Variants in PTPRD observed in about 807,000 individuals in gnomAD.
PTPRD encodes receptor-type tyrosine-protein phosphatase delta.
A neutral mutation model predicts 214.5 loss-of-function variants in PTPRD; 34 were observed. The observed-to-expected ratio is 0.16, with a 90% CI of 0.12 to 0.21. The LOEUF is 0.21. PTPRD is among the 10% of genes least tolerant of loss of function. PTPRD has a pLI of 1.00. For missense variants in PTPRD, 2,545 were observed against 2,398.7 expected, an observed-to-expected ratio of 1.06 and a Z score of -1.27; for synonymous variants, 1,128 against 845.7, an observed-to-expected ratio of 1.33 and a Z score of -5.79.
At chr9:9,884,102 A>G (rs2069851486) in intron 5 of PTPRD, among the ~76,000 whole-genome samples, 2 of 152,226 alleles carry the variant, frequency 1.3e-5, no homozygotes, top group East Asian at 3.9e-4. Flanking sequence ...CAGTAAACAC[A>G]GCTGAGAATA....
At chr9:9,201,105 T>A (rs1047685326) in intron 9 of PTPRD, among the ~76,000 whole-genome samples, 9 of 152,178 alleles carry the variant, frequency 5.9e-5, no homozygotes, top group African/African-American at 2.2e-4. Flanking sequence ...AAAAGTGGTT[T>A]ATTTGACTAC....
chr9:8,857,425 C>A (rs2097944816), intron 11 of PTPRD, among the ~76,000 whole-genome samples: 2 of 152,124 alleles, frequency 1.3e-5, no homozygotes, highest in Non-Finnish European at 2.9e-5. Context: ...AGGTTTCAGG[C>A]GAGAAGTGAA....
chr9:8,538,140 C>G (rs955454630), intron 14 of PTPRD, among the ~76,000 whole-genome samples: 2 of 151,970 alleles, frequency 1.3e-5, no homozygotes, highest in Non-Finnish European at 2.9e-5. Flanking sequence ...TTTCACAAAT[C>G]TCATTATTCC....
chr9:9,952,691 C>T (rs748186614), intron 4 of PTPRD, among the ~76,000 whole-genome samples: 1 of 152,130 alleles, frequency 6.6e-6, no homozygotes. Context: ...GATAACTATT[C>T]ACTGGGGAAA....
intron 11 of PTPRD, among the ~76,000 whole-genome samples, chr9:8,832,767 A>G (rs961944961): frequency 1.3e-5 from 2 of 150,032 alleles, no homozygotes; most frequent in African/African-American, 2.4e-5. Flanking sequence ...ATATTTCTCT[A>G]AATTGGAGTT....
intron 14 of PTPRD, among the ~76,000 whole-genome samples, chr9:8,563,581 C>T (rs972363834): frequency 6.6e-6 from 1 of 151,770 alleles, no homozygotes; most frequent in African/African-American, 2.4e-5. Flanking sequence ...GGACTATAGA[C>T]ATCTGCCGCC....
chr9:10,414,587 G>A (rs372406057), intron 2 of PTPRD, among the ~76,000 whole-genome samples: 2 of 151,852 alleles, frequency 1.3e-5, no homozygotes, highest in Admixed American at 6.6e-5. Flanking sequence ...CCCATTACTG[G>A]CTATATGCCC....
chr9:9,262,636 C>A (rs892861265), intron 9 of PTPRD, among the ~76,000 whole-genome samples: 2 of 151,446 alleles, frequency 1.3e-5, no homozygotes, highest in African/African-American at 4.8e-5. Context: ...TGAATCCTTA[C>A]TATCATCATT....
chr9:9,821,301 C>T (rs2050637522), intron 5 of PTPRD, among the ~76,000 whole-genome samples: 1 of 152,112 alleles, frequency 6.6e-6, no homozygotes, highest in African/African-American at 2.4e-5. Context: ...TATTTTGAGA[C>T]ATTTAACCAC....
chr9:10,417,596 C>T (rs189861662), intron 2 of PTPRD, among the ~76,000 whole-genome samples: 75 of 151,630 alleles, frequency 4.9e-4, no homozygotes, highest in Non-Finnish European at 1.5e-4. Flanking sequence ...TTATAATAAC[C>T]ATATATCAAT....
chr9:9,797,575 G>A (rs2099011059), intron 5 of PTPRD, among the ~76,000 whole-genome samples: 2 of 152,168 alleles, frequency 1.3e-5, no homozygotes, highest in African/African-American at 4.8e-5. Flanking sequence ...GTCGTGCATG[G>A]TGGCTCATGC....
At chr9:8,605,988 G>C (rs1474944611) in intron 14 of PTPRD, among the ~76,000 whole-genome samples, 1 of 152,030 alleles carries the variant, frequency 6.6e-6, no homozygotes, top group Non-Finnish European at 1.5e-5. Context: ...GAGGGGTGGG[G>C]ATGTACATCG....
intron 44 of PTPRD, among the ~76,000 whole-genome samples, chr9:8,327,735 A>T (rs116889823): frequency 1.0e-3 from 159 of 152,168 alleles, no homozygotes; most frequent in Non-Finnish European, 1.8e-3. Flanking sequence ...GAGGGTTCAT[A>T]TATATTTAGG....
intron 10 of PTPRD, among the ~76,000 whole-genome samples, chr9:9,121,680 G>A (rs1262576461): frequency 6.6e-6 from 1 of 152,126 alleles, no homozygotes; most frequent in South Asian, 2.1e-4. Context: ...GGGAAGTGTG[G>A]GAGGGGGGCG....
chr9:8,948,507 A>T lies in PTPRD; in HGVS notation c.-104+70190T>A, dbSNP rs4008144. On this transcript the variant is annotated intron_variant, in intron 11 of 45. Coordinates refer to ENST00000381196, the MANE Select transcript of PTPRD (RefSeq NM_002839.4). ...TATATATATATTTATATATATATTTATATATATATATTTATATATATATTT... is the reference window on the plus strand; with the variant it reads ...TATATATATATTTATATATATATTTTTATATATATATTTATATATATATTT... 2.7e-3 allele frequency among the ~76,000 whole-genome samples: 37 copies of T among 13,580 alleles called. 5 individuals are homozygous for T. The highest frequency in any genetic ancestry group is 4.0e-3 in the South Asian group (1 of 248). 8.9% of individuals were successfully genotyped at this position (13,580 alleles called of 152,430 possible).
chr9:9,276,719 A>T (rs1485903681), intron 9 of PTPRD, among the ~76,000 whole-genome samples: 1 of 151,338 alleles, frequency 6.6e-6, no homozygotes, highest in Non-Finnish European at 1.5e-5. Flanking sequence ...AAATGGTGCT[A>T]AGGCCAAAAG....
chr9:9,809,476 G>A (rs1202547513), intron 5 of PTPRD, among the ~76,000 whole-genome samples: 1 of 151,924 alleles, frequency 6.6e-6, no homozygotes, highest in Admixed American at 6.6e-5. Context: ...ACCATTCACA[G>A]GATGGTCTCT....
chr9:8,747,573 A>C (rs758905004), intron 11 of PTPRD, among the ~76,000 whole-genome samples: 68 of 152,334 alleles, frequency 4.5e-4, no homozygotes, highest in Non-Finnish European at 8.2e-4. Context: ...AGAAATGCTT[A>C]CAGAAGGACA....
intron 39 of PTPRD, among the ~76,000 whole-genome samples, chr9:8,342,622 G>A (rs192960828): frequency 6.6e-6 from 1 of 152,056 alleles, no homozygotes; most frequent in Non-Finnish European, 1.5e-5. Context: ...ACAGGCAACA[G>A]ACAGCCTCCT....
Sources: allele counts gnomAD v4.1 joint callset (sites outside exome capture counted in the v4.1 genomes callset), GRCh38; gene constraint gnomAD v4.1.1; transcripts MANE v1.5; gene names NCBI Gene and HGNC (gene_info 2026-07-23, HGNC 2026-07-21).